The following VWC2L variants were observed in gnomAD, a reference collection of about 807,000 sequenced individuals.
The protein encoded by VWC2L is von Willebrand factor C domain-containing protein 2-like.
Under a neutral mutation model 21.6 loss-of-function variants are expected in VWC2L, and 10 were observed. The observed-to-expected ratio is 0.46, with a 90% CI of 0.29 to 0.78. The LOEUF is 0.78. Ranked by LOEUF, VWC2L falls within the 30% of genes least tolerant of loss-of-function variation. The probability of loss-of-function intolerance (pLI) is 0.10; values close to 1 mark genes in which losing one functional copy is unlikely to be tolerated. For synonymous variants in VWC2L, 96 were observed against 94.3 expected (o/e 1.02, Z -0.10); for missense variants, 209 against 277.1 (o/e 0.75, Z 1.74).
intron 3 of VWC2L, among the ~76,000 whole-genome samples, chr2:214,479,314 GTT>G (rs1252116562): frequency 6.6e-6 from 1 of 152,076 alleles, no homozygotes; most frequent in Non-Finnish European, 1.5e-5. Context: ...TAGTCATAGT[GTT>G]TATCTTTTTA....
intron 3 of VWC2L, among the ~76,000 whole-genome samples, chr2:214,537,557 G>T (rs1371942229): frequency 2.0e-5 from 3 of 151,920 alleles, no homozygotes; most frequent in African/African-American, 4.8e-5. Flanking sequence ...CTAGAGGCTG[G>T]GGATGAGAGA....
At chr2:214,557,188 T>C (rs1434494603) in intron 3 of VWC2L, among the ~76,000 whole-genome samples, 2 of 152,098 alleles carry the variant, frequency 1.3e-5, no homozygotes, top group African/African-American at 4.8e-5. Context: ...AGAGGTTTGA[T>C]GGACTCACAG....
At chr2:214,489,809 C>T (rs1688721112) in intron 3 of VWC2L, among the ~76,000 whole-genome samples, 1 of 152,142 alleles carries the variant, frequency 6.6e-6, no homozygotes, top group Admixed American at 6.6e-5. Flanking sequence ...GTGCTCTGCT[C>T]CAGTTAGTTA....
chr2:214,530,173 A>G (rs1247826273), intron 3 of VWC2L, among the ~76,000 whole-genome samples: 1 of 152,164 alleles, frequency 6.6e-6, no homozygotes, highest in Non-Finnish European at 1.5e-5. Context: ...GTTTGTGCCA[A>G]GTGGGGCTCA....
chr2:214,573,089 A>G (rs1690175888), intron 3 of VWC2L, among the ~76,000 whole-genome samples: 1 of 152,176 alleles, frequency 6.6e-6, no homozygotes, highest in Admixed American at 6.5e-5. Flanking sequence ...GGATATGAAA[A>G]CCAGAGCTCT....
chr2:214,491,399 TG>T (rs1050788969), intron 3 of VWC2L, among the ~76,000 whole-genome samples: 10 of 152,276 alleles, frequency 6.6e-5, no homozygotes, highest in Admixed American at 5.9e-4. Context: ...GGGTTAAATT[TG>T]GATGGAATAA....
chr2:214,573,212 G>A (rs1242610205), intron 3 of VWC2L, among the ~76,000 whole-genome samples: 1 of 151,890 alleles, frequency 6.6e-6, no homozygotes, highest in Admixed American at 6.6e-5. Flanking sequence ...AGCCTCCCGT[G>A]AGCCAGTAGC....
At chr2:214,463,780 T>A (rs1290949647) in intron 3 of VWC2L, among the ~76,000 whole-genome samples, 1 of 152,216 alleles carries the variant, frequency 6.6e-6, no homozygotes, top group East Asian at 1.9e-4. Context: ...TGTAAAGGCC[T>A]ATAATGCTAA....
chr2:214,428,503 A>G (rs1702557061), intron 2 of VWC2L, among the ~76,000 whole-genome samples: 1 of 152,194 alleles, frequency 6.6e-6, no homozygotes, highest in Non-Finnish European at 1.5e-5. Context: ...AGAGAGGTTT[A>G]TCAAGAAAGT....
At chr2:214,518,342 G>A (rs1478712700) in intron 3 of VWC2L, among the ~76,000 whole-genome samples, 1 of 152,152 alleles carries the variant, frequency 6.6e-6, no homozygotes, top group Non-Finnish European at 1.5e-5. Flanking sequence ...GTTCCTTGGA[G>A]GATTAATTTA....
chr2:214,573,930 C>G (rs1690190296), intron 3 of VWC2L, among the ~76,000 whole-genome samples: 1 of 152,190 alleles, frequency 6.6e-6, no homozygotes, highest in South Asian at 2.1e-4. Flanking sequence ...CGCCTGAGGT[C>G]AGGAATTCGA....
intron 3 of VWC2L, among the ~76,000 whole-genome samples, chr2:214,506,743 A>C (rs2105903656): frequency 6.6e-6 from 1 of 152,258 alleles, no homozygotes; most frequent in South Asian, 2.1e-4. Context: ...TCAAGTTTAA[A>C]ATATGTATTG....
intron 3 of VWC2L, among the ~76,000 whole-genome samples, chr2:214,453,144 C>T (rs1357185881): frequency 6.6e-6 from 1 of 152,060 alleles, no homozygotes; most frequent in Non-Finnish European, 1.5e-5. Flanking sequence ...TGACCTAACT[C>T]TTGGTCAAAA....
At chr2:214,452,134 TTTTG>T (rs774476505) in intron 3 of VWC2L, among the ~76,000 whole-genome samples, 58 of 152,270 alleles carry the variant, frequency 3.8e-4, no homozygotes, top group Non-Finnish European at 6.2e-4. Flanking sequence ...ATGCACTCTC[TTTTG>T]TTTGTTTTTG....
chr2:214,574,394 A>G (rs1690197480), intron 3 of VWC2L, among the ~76,000 whole-genome samples: 1 of 152,210 alleles, frequency 6.6e-6, no homozygotes, highest in African/African-American at 2.4e-5. Flanking sequence ...AACATATTGA[A>G]TAGCCTTGTG....
At chr2:214,479,961 A>AT (rs1310011712) in intron 3 of VWC2L, among the ~76,000 whole-genome samples, 1 of 152,192 alleles carries the variant, frequency 6.6e-6, no homozygotes, top group African/African-American at 2.4e-5. Flanking sequence ...TGGTTGTGTC[A>AT]TTAATGAACA....
At chr2:214,559,600 T>C (rs1039343982) in intron 3 of VWC2L, among the ~76,000 whole-genome samples, 2 of 146,732 alleles carry the variant, frequency 1.4e-5, no homozygotes, top group Non-Finnish European at 3.0e-5. Context: ...TTTAATCCCA[T>C]TCTTTTCTTT....
chr2:214,421,519 G>A (rs13404076), intron 2 of VWC2L, among the ~76,000 whole-genome samples: 32,663 of 151,998 alleles, frequency 0.21, 4,004 homozygotes, highest in African/African-American at 0.34. Flanking sequence ...TGTGACAAGC[G>A]TGACTACCGA....
chr2:214,515,657 G>A (rs751196709), intron 3 of VWC2L, among the ~76,000 whole-genome samples: 2 of 152,118 alleles, frequency 1.3e-5, no homozygotes, highest in Non-Finnish European at 2.9e-5. Flanking sequence ...AGGTTCCAGC[G>A]ATTCTCCTGC....
Sources: allele counts gnomAD v4.1 joint callset (sites outside exome capture counted in the v4.1 genomes callset), GRCh38; gene constraint gnomAD v4.1.1; transcripts MANE v1.5; gene names NCBI Gene and HGNC (gene_info 2026-07-23, HGNC 2026-07-21).